DOP1A: variants seen among roughly 807,000 people sequenced by gnomAD.
The protein encoded by DOP1A is protein DOP1A.
A neutral mutation model predicts 267.6 loss-of-function variants in DOP1A; 90 were observed. The observed-to-expected ratio is 0.34, with a 90% confidence interval of 0.28 to 0.40. The LOEUF is 0.40. DOP1A is among the 10% of genes least tolerant of loss of function. The pLI, the probability that DOP1A is intolerant of heterozygous loss-of-function variation, is 1.00. For synonymous variants in DOP1A, 932 were observed against 999.1 expected (o/e 0.93, Z 1.27); for missense variants, 2,437 against 2,900.4 (o/e 0.84, Z 3.67).
At chr6:83,148,731 C>T in intron 26 of DOP1A, 28 bp from the exon 27 acceptor site, 4 of 1,419,902 alleles carry the variant, frequency 2.8e-6, no homozygotes, top group Non-Finnish European at 3.8e-6. Flanking sequence ...TTTATTGTGG[C>T]TTTTGTATAA....
chr6:83,073,111 CT>C (rs1184697411), intron 1 of DOP1A: 1 of 219,224 alleles, frequency 4.6e-6, no homozygotes. Flanking sequence ...GAGACAGACT[CT>C]CACTCTTTTG....
intron 1 of DOP1A, among the ~76,000 whole-genome samples, chr6:83,075,705 A>C (rs1018436199): frequency 6.6e-6 from 1 of 152,238 alleles, no homozygotes; most frequent in Admixed American, 6.5e-5. Context: ...ATACGGTCCA[A>C]CAGTGTTTGA....
At position 83,137,853 on chromosome 6, in the gene DOP1A, A is replaced by G; in HGVS notation, c.3811A>G (p.Ser1271Gly). Residue 1271 changes from serine to glycine, a missense_variant, in exon 21 of 39, where the codon AGC becomes GGC. This residue lies in a region of DOP1A where 878 missense variants were observed against 992.9 expected (regional missense o/e 0.88). Coordinates refer to ENST00000349129, the MANE Select transcript of DOP1A (RefSeq NM_015018.4). ...RQRSHSSIQF[S>G]FKEKLSEKVS... ...AAGGAGTCACAGTAGTATTCAATTC[A>G]GCTTCAAAGAAAAATTATCAGAAAA... 1 of 1,613,590 alleles carries G rather than the reference A, an allele frequency of 6.2e-7. No homozygotes were observed. Among genetic ancestry groups the G allele is most frequent in the South Asian group, 1.1e-5 (1 of 91,036 alleles).
chr6:83,111,288 G>A (rs1414342462), intron 6 of DOP1A, among the ~76,000 whole-genome samples: 1 of 151,758 alleles, frequency 6.6e-6, no homozygotes, highest in Non-Finnish European at 1.5e-5. Flanking sequence ...GGACATTTGG[G>A]TTGTTTCTAT....
rs145307026 is a variant in DOP1A at position 83,092,076 on chromosome 6, A to T, written c.-146-4655A>T. On this transcript the variant is annotated intron_variant, in intron 1 of 38. Transcript: ENST00000349129. ...ATTTAACTGTTTTATTAGCTATCAG[A>T]GTTTATGGCCTTACTTGTTTTAGTG... Among the ~76,000 whole-genome samples, 506 of 152,180 alleles carry T rather than the reference A, an allele frequency of 3.3e-3. 12 individuals carry two copies. The highest frequency in any genetic ancestry group is 2.5e-3 in the Non-Finnish European group (171 of 68,004).
Position 83,129,043 on chromosome 6 carries a change from G to A in DOP1A, c.1876G>A (p.Ala626Thr), listed in dbSNP as rs1562332443. Residue 626 changes from alanine to threonine, a missense_variant, in exon 16 of 39, where the codon GCA (alanine) becomes ACA (threonine). Physicochemically the swap from Ala to Thr is moderately conservative, Grantham distance 58. Around this residue, in one of 9 missense-constraint regions of DOP1A, gnomAD observed 498 missense variants for 513.5 expected, o/e 0.97. Coordinates refer to ENST00000349129, the MANE Select transcript of DOP1A (RefSeq NM_015018.4). ...CAGAGAACTGAGTGAGGGCCAGGGGGCAGCTGCCATCCCAATTGGTAGCAC... is the reference window on the plus strand; with the variant it reads ...CAGAGAACTGAGTGAGGGCCAGGGGACAGCTGCCATCCCAATTGGTAGCAC... ...IDRELSEGQGAAAIPIGSTSS... is the reference protein window; with the variant it reads ...IDRELSEGQGTAAIPIGSTSS... 1.2e-6 allele frequency: 2 copies of A among 1,613,770 alleles called. No individual in the cohort carries two copies. The highest frequency in any genetic ancestry group is 1.7e-6 in the Non-Finnish European group (2 of 1,179,916).
chr6:83,099,327 G>GA (rs1266634993), intron 3 of DOP1A, among the ~76,000 whole-genome samples: 8 of 152,160 alleles, frequency 5.3e-5, no homozygotes, highest in Non-Finnish European at 8.8e-5. Context: ...GCTTCTCTTT[G>GA]ATGTTAGAAC....
At chr6:83,168,618 C>T (rs530991547), downstream of DOP1A, 9 of 996,688 alleles carry the variant, frequency 9.0e-6, no homozygotes, top group African/African-American at 1.6e-4. Flanking sequence ...CATACCTTCA[C>T]CAAGAGCAGT....
chr6:83,158,763 G>A, intron 36 of DOP1A, 141 bp downstream of exon 36: 1 of 676,788 alleles, frequency 1.5e-6, no homozygotes, highest in Non-Finnish European at 2.4e-6. Flanking sequence ...TGGATATAAT[G>A]TAGTTTTACT....
At chr6:83,097,655 A>T (rs1771735416) in intron 3 of DOP1A, among the ~76,000 whole-genome samples, 1 of 152,122 alleles carries the variant, frequency 6.6e-6, no homozygotes, top group East Asian at 1.9e-4. Context: ...TCTGGTTTTT[A>T]TTCAGTTATT....
At chr6:83,079,680 G>T (rs1414857871) in intron 1 of DOP1A, among the ~76,000 whole-genome samples, 3 of 151,692 alleles carry the variant, frequency 2.0e-5, no homozygotes, top group African/African-American at 7.3e-5. Context: ...ACTTAATATG[G>T]GTTTAATTAT....
In DOP1A at chr6:83,122,962, C is replaced by T. The variant is rs1776583548; in HGVS notation, c.1320C>T (p.Arg440=). Residue 440 remains arginine (R), a synonymous_variant, in exon 12 of 39, where the codon CGC becomes CGT. Transcript: ENST00000349129. The stretch of plus-strand genomic sequence containing the variant: ...ATTATATGTGGGATTATGTTGCACG[C>T]TGGTTTGAAGAATGTTGTAGGTATG... ...EPYYMWDYVA[R]WFEECCRRTL... 1 of 1,582,126 alleles carries T rather than the reference C, an allele frequency of 6.3e-7. No individual in the cohort carries two copies. The highest frequency in any genetic ancestry group is 8.6e-7 in the Non-Finnish European group (1 of 1,168,700).
intron 1 of DOP1A, among the ~76,000 whole-genome samples, chr6:83,068,375 A>G (rs553729991): frequency 1.3e-5 from 2 of 152,206 alleles, no homozygotes; most frequent in Non-Finnish European, 2.9e-5. Context: ...TAAAGTTGCA[A>G]CATAACAATA....
At position 83,162,831 on chromosome 6, in the gene DOP1A, G is replaced by C. The variant is rs2128427780; in HGVS notation, c.7004G>C (p.Gly2335Ala). The part of the protein sequence containing the change: ...AFIPEASDDS[G>A]LEVRRQGIHQ... Reference sequence around the variant, plus strand: ...ATTCCAGAAGCCTCAGATGATTCAGGTTTGGAAGTCAGAAGGCAGGGTATA... The same window carrying C: ...ATTCCAGAAGCCTCAGATGATTCAGCTTTGGAAGTCAGAAGGCAGGGTATA... Residue 2335 changes from glycine to alanine, a missense_variant, in exon 38 of 39, where the codon GGT (glycine) becomes GCT (alanine). By Grantham distance (60) the Gly-to-Ala change is moderately conservative (BLOSUM62 0). Transcript: ENST00000349129. 1 of 1,613,576 alleles carries C rather than the reference G, an allele frequency of 6.2e-7. No homozygotes were observed. The highest frequency in any genetic ancestry group is 1.1e-5 in the South Asian group (1 of 91,010).
chr6:83,110,112 AT>A lies in DOP1A; in HGVS notation c.492-10del, dbSNP rs1774302146. 6.4e-7 allele frequency: 1 copy of A among 1,566,088 alleles called. No homozygotes were observed. On this transcript the variant is annotated splice_polypyrimidine_tract_variant and intron_variant, in intron 5 of 38. Coordinates refer to ENST00000349129, the MANE Select transcript of DOP1A (RefSeq NM_015018.4). ...AATGTTTCCCTTCTTAAACCACTTT[AT>A]TTATACCTCAGAACAAATATGTTGT...
Position 83,145,619 on chromosome 6 carries a change from A to G in DOP1A, c.5637A>G (p.Lys1879=), listed in dbSNP as rs1780522977. 1 of 1,613,754 alleles carries G rather than the reference A, an allele frequency of 6.2e-7. No individual in the cohort carries two copies. The part of the protein sequence containing the change: ...MRAETVIQTV[K]EVLKQPPAIA... The stretch of plus-strand genomic sequence containing the variant: ...CAGAAACTGTTATCCAGACTGTAAA[A>G]GAAGTTTTAAAGCAGCCACCAGCCA... The change falls in exon 25 of 39, where the codon AAA becomes AAG. Residue 1879 remains lysine, a synonymous_variant. Coordinates refer to ENST00000349129, the MANE Select transcript of DOP1A (RefSeq NM_015018.4).
intron 24 of DOP1A, 23 bp from the exon 25 acceptor site, chr6:83,145,501 A>G: frequency 1.3e-6 from 2 of 1,558,490 alleles, no homozygotes; most frequent in Non-Finnish European, 1.7e-6. Context: ...ATACATACAT[A>G]CATACAATGA....
intron 36 of DOP1A, among the ~76,000 whole-genome samples, chr6:83,159,032 G>T (rs1783542754): frequency 6.6e-6 from 1 of 152,008 alleles, no homozygotes; most frequent in South Asian, 2.1e-4. Context: ...TTTTAATAGA[G>T]GCAGTTTATT....
intron 1 of DOP1A, among the ~76,000 whole-genome samples, chr6:83,081,923 A>T (rs1020389729): frequency 2.0e-5 from 3 of 152,216 alleles, no homozygotes; most frequent in Non-Finnish European, 4.4e-5. Flanking sequence ...AGGTATATGA[A>T]AAAAGGCTCA....
Sources: gnomAD v4.1 joint callset for allele counts (sites outside exome capture counted in the v4.1 genomes callset) on GRCh38, gnomAD v4.1.1 for gene constraint, gnomAD v4.1.1 regional missense constraint, MANE v1.5 for transcripts, NCBI Gene and HGNC (gene_info 2026-07-23, HGNC 2026-07-21) for gene names.